Variants in CFAP299 observed in about 807,000 individuals in gnomAD.
CFAP299 encodes cilia and flagella associated protein 299, also known as cilia- and flagella-associated protein 299.
CFAP299 carries 21 observed loss-of-function variants against 27.0 expected under a neutral mutation model. The ratio of observed to expected loss-of-function variants is 0.78; its 90% confidence interval spans 0.55 to 1.12. CFAP299 has a LOEUF of 1.12. Among genes scored for constraint, CFAP299 ranks in the 50% most tolerant of loss-of-function variants. CFAP299 has a pLI of 0.00. For synonymous variants in CFAP299, 104 were observed against 98.1 expected (o/e 1.06, Z -0.36); for missense variants, 310 against 276.6 (o/e 1.12, Z -0.86).
chr4:80,793,835 G>T (rs1056888896), intron 3 of CFAP299, among the ~76,000 whole-genome samples: 2 of 152,148 alleles, frequency 1.3e-5, no homozygotes, highest in African/African-American at 2.4e-5. Context: ...ACTCATTTCT[G>T]CAACTGGTCA....
At chr4:80,642,534 G>A (rs887606395) in intron 3 of CFAP299, among the ~76,000 whole-genome samples, 1 of 152,180 alleles carries the variant, frequency 6.6e-6, no homozygotes, top group Non-Finnish European at 1.5e-5. Flanking sequence ...GGGAGGCCAC[G>A]GCAGGTGGAT....
intron 2 of CFAP299, among the ~76,000 whole-genome samples, chr4:80,509,408 G>A (rs769810552): frequency 2.0e-5 from 3 of 152,150 alleles, no homozygotes; most frequent in Non-Finnish European, 4.4e-5. Context: ...ATTAAATGAT[G>A]TGGGCCCAAA....
intron 4 of CFAP299, chr4:80,871,425 C>G: frequency 1.0e-6 from 1 of 985,388 alleles, no homozygotes; most frequent in Non-Finnish European, 1.2e-6. Flanking sequence ...GGAAATTTCA[C>G]AAAACTGTGG....
intron 3 of CFAP299, among the ~76,000 whole-genome samples, chr4:80,843,985 T>C (rs926916426): frequency 4.6e-5 from 7 of 152,054 alleles, no homozygotes; most frequent in African/African-American, 1.7e-4. Flanking sequence ...TTCCCACCTA[T>C]GAGTGAGAAC....
At chr4:80,632,631 T>C (rs924237664) in intron 3 of CFAP299, among the ~76,000 whole-genome samples, 21 of 151,852 alleles carry the variant, frequency 1.4e-4, no homozygotes, top group African/African-American at 4.8e-4. Flanking sequence ...TACATATATA[T>C]ACATATGAGA....
intron 2 of CFAP299, among the ~76,000 whole-genome samples, chr4:80,409,873 G>A (rs1726629625): frequency 6.6e-6 from 1 of 152,132 alleles, no homozygotes; most frequent in African/African-American, 2.4e-5. Flanking sequence ...ATCAAGAGAG[G>A]GATACAGAAG....
At chr4:80,614,692 T>C (rs1738183409) in intron 3 of CFAP299, among the ~76,000 whole-genome samples, 1 of 151,950 alleles carries the variant, frequency 6.6e-6, no homozygotes, top group Admixed American at 6.6e-5. Context: ...ACAGATTAAG[T>C]ACTAACAATT....
Position 80,381,379 on chromosome 4 carries a change from C to CTTTTT in CFAP299, c.242+18495_242+18496insTTTTT. Among the ~76,000 whole-genome samples, 11 of 6,046 alleles carry CTTTTT rather than the reference C, an allele frequency of 1.8e-3. 2 individuals are homozygous for CTTTTT. Among genetic ancestry groups the CTTTTT allele is most frequent in the African/African-American group, 2.2e-3 (11 of 5,064 alleles). 4.0% of individuals were successfully genotyped at this position (6,046 alleles called of 152,430 possible). The stretch of plus-strand genomic sequence containing the variant: ...TATTTATAATTACTCTTAACATATA[C>CTTTTT]ATTTTTTTTTTTTTTTTTTTTTTTT... On this transcript the variant is annotated intron_variant, in intron 2 of 5. Coordinates refer to ENST00000358105, the MANE Select transcript of CFAP299 (RefSeq NM_152770.3).
chr4:80,515,000 A>T (rs922197184), intron 2 of CFAP299, among the ~76,000 whole-genome samples: 2 of 152,160 alleles, frequency 1.3e-5, no homozygotes, highest in Non-Finnish European at 2.9e-5. Context: ...ATTCTAATAG[A>T]AAGAAACAAA....
intron 4 of CFAP299, among the ~76,000 whole-genome samples, chr4:80,897,634 G>A (rs192971398): frequency 8.5e-5 from 13 of 152,202 alleles, no homozygotes; most frequent in Non-Finnish European, 1.8e-4. Flanking sequence ...GCATAACCAC[G>A]AAGCTCCTAC....
At position 80,787,727 on chromosome 4, in the gene CFAP299, G is replaced by A. The variant is rs193049724; in HGVS notation, c.334-82266G>A. Among the ~76,000 whole-genome samples the A allele has an allele frequency of 1.2e-3, 190 of 152,022 alleles. 1 individual carries two copies. Among genetic ancestry groups the A allele is most frequent in the African/African-American group, 4.2e-3 (175 of 41,492 alleles). ...AGGCCTAAAATATTTAAGGCATATG[G>A]GTAGACTACAGCCCACCTAATTCTA... is the stretch of plus-strand genomic sequence containing the variant. On this transcript the variant is annotated intron_variant, in intron 3 of 5. Transcript: ENST00000358105.
At chr4:80,558,354 G>GTTTTTTTTTTTTTTTTTTTT (rs1159652533) in intron 2 of CFAP299, among the ~76,000 whole-genome samples, 10 of 126,418 alleles carry the variant, frequency 7.9e-5, no homozygotes, top group Middle Eastern at 4.3e-3. Context: ...TTGTTTGTTT[G>GTTTTTTTTTTTTTTTTTTTT]TTTGTTTGTT....
At chr4:80,568,706 G>T (rs1345133410) in intron 2 of CFAP299, among the ~76,000 whole-genome samples, 1 of 152,046 alleles carries the variant, frequency 6.6e-6, no homozygotes, top group Non-Finnish European at 1.5e-5. Flanking sequence ...AGAGGAGAAA[G>T]AAGAAAGGAT....
chr4:80,398,906 C>A (rs1447346893), intron 2 of CFAP299, among the ~76,000 whole-genome samples: 1 of 152,104 alleles, frequency 6.6e-6, no homozygotes, highest in Non-Finnish European at 1.5e-5. Flanking sequence ...AACAGGCAAC[C>A]TACCGAATGG....
chr4:80,858,049 G>T (rs1170601160), intron 3 of CFAP299, among the ~76,000 whole-genome samples: 1 of 152,066 alleles, frequency 6.6e-6, no homozygotes, highest in East Asian at 1.9e-4. Flanking sequence ...GACTCTTTTT[G>T]GTTGGTAAGC....
chr4:80,390,233 C>G (rs952870455), intron 2 of CFAP299, among the ~76,000 whole-genome samples: 7 of 151,900 alleles, frequency 4.6e-5, no homozygotes, highest in African/African-American at 1.5e-4. Context: ...CTTACTCATT[C>G]TAGATTACTG....
chr4:80,845,374 T>C (rs1731126036), intron 3 of CFAP299, among the ~76,000 whole-genome samples: 1 of 152,112 alleles, frequency 6.6e-6, no homozygotes, highest in South Asian at 2.1e-4. Flanking sequence ...TTCAATGACT[T>C]TTATTGCATT....
At chr4:80,629,878 A>C (rs112887690) in intron 3 of CFAP299, among the ~76,000 whole-genome samples, 6,459 of 80,384 alleles carry the variant, frequency 0.08, 447 homozygotes, top group African/African-American at 0.16. Flanking sequence ...CTGGAAAAAA[A>C]AAAAAACAAA....
intron 3 of CFAP299, among the ~76,000 whole-genome samples, chr4:80,663,732 A>T (rs777366403): frequency 6.6e-6 from 1 of 152,162 alleles, no homozygotes; most frequent in Non-Finnish European, 1.5e-5. Flanking sequence ...CAATGGTTGA[A>T]CTAAGGTACA....
Sources: allele counts gnomAD v4.1 joint callset (sites outside exome capture counted in the v4.1 genomes callset), GRCh38; gene constraint gnomAD v4.1.1; transcripts MANE v1.5; gene names NCBI Gene and HGNC (gene_info 2026-07-23, HGNC 2026-07-21).